Variants in ADGRL3 observed in about 807,000 individuals in gnomAD.
The protein encoded by ADGRL3 is calcium-independent alpha-latrotoxin receptor 3.
ADGRL3 carries 62 observed loss-of-function variants against 153.5 expected under a neutral mutation model. That is an observed-to-expected ratio of 0.40 (90% CI 0.33 to 0.50). ADGRL3 has a LOEUF of 0.50. Ranked by LOEUF, ADGRL3 falls within the 20% of genes least tolerant of loss-of-function variation. The pLI is 0.47. For synonymous variants in ADGRL3, 710 were observed against 672.5 expected, an observed-to-expected ratio of 1.06 and a Z score of -0.86; for missense variants, 1,641 against 1,859.4, an observed-to-expected ratio of 0.88 and a Z score of 2.16.
At chr4:61,390,892 T>C (rs79901853) in intron 2 of ADGRL3, among the ~76,000 whole-genome samples, 3,373 of 152,236 alleles carry the variant, frequency 0.022, 146 homozygotes, top group East Asian at 0.17. Flanking sequence ...TATCGTACAA[T>C]GTGTAGCCTT....
chr4:61,391,682 T>C (rs987410664), intron 2 of ADGRL3, among the ~76,000 whole-genome samples: 2 of 152,010 alleles, frequency 1.3e-5, no homozygotes, highest in Admixed American at 6.6e-5. Flanking sequence ...TTCCAGTTTC[T>C]ATTTATTTCT....
At chr4:62,019,004 T>A (rs1192510020) in intron 21 of ADGRL3, among the ~76,000 whole-genome samples, 1 of 152,148 alleles carries the variant, frequency 6.6e-6, no homozygotes, top group Non-Finnish European at 1.5e-5. Flanking sequence ...TGGACTCTTA[T>A]CAGTGGAGCA....
At chr4:61,805,480 G>A (rs977483834) in intron 8 of ADGRL3, among the ~76,000 whole-genome samples, 1 of 152,092 alleles carries the variant, frequency 6.6e-6, no homozygotes, top group Non-Finnish European at 1.5e-5. Context: ...TTTTACTCTT[G>A]TTGTTAGCTT....
intron 5 of ADGRL3, among the ~76,000 whole-genome samples, chr4:61,612,035 A>C (rs1158925286): frequency 6.6e-6 from 1 of 152,088 alleles, no homozygotes; most frequent in African/African-American, 2.4e-5. Context: ...TAAAAATGGA[A>C]ATTTGGTCAT....
chr4:61,413,797 G>A (rs972531352), intron 2 of ADGRL3, among the ~76,000 whole-genome samples: 2 of 152,094 alleles, frequency 1.3e-5, no homozygotes, highest in Non-Finnish European at 2.9e-5. Context: ...TGAAACCAGG[G>A]AACTCAGAGC....
intron 23 of ADGRL3, among the ~76,000 whole-genome samples, chr4:62,036,956 C>G (rs576518142): frequency 6.6e-6 from 1 of 152,152 alleles, no homozygotes; most frequent in South Asian, 2.1e-4. Context: ...ATATATTTCT[C>G]TGCTTGAAAA....
At chr4:61,236,315 A>G (rs1752849917) in intron 1 of ADGRL3, among the ~76,000 whole-genome samples, 1 of 151,990 alleles carries the variant, frequency 6.6e-6, no homozygotes, top group African/African-American at 2.4e-5. Flanking sequence ...CTGCCTCTTT[A>G]TCAGTGTTTC....
intron 8 of ADGRL3, among the ~76,000 whole-genome samples, chr4:61,734,220 G>T (rs1396371199): frequency 5.9e-5 from 9 of 151,684 alleles, no homozygotes; most frequent in Non-Finnish European, 4.4e-5. Context: ...TTTTAATGTT[G>T]TTTAAAGACA....
intron 6 of ADGRL3, among the ~76,000 whole-genome samples, chr4:61,721,262 G>A (rs1289939679): frequency 6.6e-6 from 1 of 152,146 alleles, no homozygotes; most frequent in Non-Finnish European, 1.5e-5. Flanking sequence ...TGAGGAGCAA[G>A]GAAGCCAGTC....
intron 2 of ADGRL3, among the ~76,000 whole-genome samples, chr4:61,489,136 C>G (rs2098229762): frequency 6.6e-6 from 1 of 151,802 alleles, no homozygotes; most frequent in South Asian, 2.1e-4. Context: ...TTTATTTAAG[C>G]CTTAAACCAC....
At position 61,391,611 on chromosome 4, in the gene ADGRL3, T is replaced by C. The variant is rs149931483; in HGVS notation, c.-174+8422T>C. Among the ~76,000 whole-genome samples, 12 of 152,282 alleles carry C rather than the reference T, an allele frequency of 7.9e-5. No homozygotes were observed. In the East Asian group the frequency reaches 2.3e-3, roughly 29 times the overall value. On this transcript the variant is annotated intron_variant, in intron 2 of 26. Transcript: ENST00000683033. ...CCCAAGTGTGGGATTGCTGGTCATATAGTAAGTCTATCTATTGATTTTTTT... is the reference window on the plus strand; with the variant it reads ...CCCAAGTGTGGGATTGCTGGTCATACAGTAAGTCTATCTATTGATTTTTTT...
chr4:61,894,547 C>G (rs1288740250), intron 10 of ADGRL3, among the ~76,000 whole-genome samples: 1 of 152,162 alleles, frequency 6.6e-6, no homozygotes, highest in South Asian at 2.1e-4. Flanking sequence ...AATAATAGCC[C>G]CTTACTGCAG....
intron 2 of ADGRL3, among the ~76,000 whole-genome samples, chr4:61,448,801 AGG>A (rs2097628527): frequency 7.9e-6 from 1 of 126,510 alleles, no homozygotes. Flanking sequence ...GGTAGGAGGG[AGG>A]AAGGGAGGGA....
chr4:62,068,210 T>C (rs765745735), intron 26 of ADGRL3, 27 bp downstream of exon 26: 4 of 1,581,198 alleles, frequency 2.5e-6, no homozygotes, highest in Non-Finnish European at 3.4e-6. Context: ...AAACATTGCA[T>C]ATCAAATGTA....
At chr4:61,253,401 G>A (rs73822587) in intron 1 of ADGRL3, among the ~76,000 whole-genome samples, 3,031 of 152,152 alleles carry the variant, frequency 0.02, 91 homozygotes, top group African/African-American at 0.068. Context: ...AAACCTTTAG[G>A]TTGTTGACTC....
At chr4:61,674,135 T>C (rs1328906952) in intron 5 of ADGRL3, among the ~76,000 whole-genome samples, 1 of 139,354 alleles carries the variant, frequency 7.2e-6, no homozygotes, top group East Asian at 2.1e-4. Flanking sequence ...TGTAAATTTG[T>C]CGATGCATTT....
At chr4:61,713,782 AC>A (rs983662218) in intron 6 of ADGRL3, among the ~76,000 whole-genome samples, 2 of 152,130 alleles carry the variant, frequency 1.3e-5, no homozygotes, top group Non-Finnish European at 2.9e-5. Context: ...GTCTATCTAA[AC>A]ATATTTTCTC....
rs186531760 is a variant in ADGRL3, at chr4:61,871,146, C to T, written c.1481-21510C>T. 7.3e-3 allele frequency among the ~76,000 whole-genome samples: 1,106 copies of T among 151,978 alleles called. 6 individuals carry two copies. The highest frequency in any genetic ancestry group is 7.1e-3 in the Admixed American group (108 of 15,262). ...ACAAAAAATTAGCCAGGTGTGGTGG[C>T]GAGTGCCTGCAGTCCCAACTACTCA... On this transcript the variant is annotated intron_variant, in intron 9 of 26. Transcript: ENST00000683033.
chr4:62,038,665 A>T (rs1280339565), intron 24 of ADGRL3, among the ~76,000 whole-genome samples: 3 of 152,080 alleles, frequency 2.0e-5, no homozygotes, highest in African/African-American at 7.2e-5. Flanking sequence ...GCAGTGGTAC[A>T]ATCTCAGCTC....
Sources: gnomAD v4.1 joint callset for allele counts (sites outside exome capture counted in the v4.1 genomes callset) on GRCh38, gnomAD v4.1.1 for gene constraint, MANE v1.5 for transcripts, NCBI Gene and HGNC (gene_info 2026-07-23, HGNC 2026-07-21) for gene names.